JAK2: variants seen among roughly 807,000 people sequenced by gnomAD.
JAK2 encodes Janus kinase 2.
Under a neutral mutation model 139.3 loss-of-function variants are expected in JAK2, and 86 were observed. The observed-to-expected ratio is 0.62, with a 90% CI of 0.52 to 0.74. The LOEUF is 0.74. JAK2 is among the 30% of genes least tolerant of loss of function. The pLI is 0.00. For synonymous variants in JAK2, 490 were observed against 437.7 expected, an observed-to-expected ratio of 1.12 and a Z score of -1.49; for missense variants, 1,421 against 1,360.3, an observed-to-expected ratio of 1.04 and a Z score of -0.70.
chr9:5,073,934 G>A (rs1819139728), intron 14 of JAK2, 149 bp downstream of exon 14: 4 of 597,200 alleles, frequency 6.7e-6, no homozygotes, highest in Non-Finnish European at 5.9e-6. Flanking sequence ...AACACTGTAG[G>A]ACTATTCAGT....
intron 4 of JAK2, among the ~76,000 whole-genome samples, chr9:5,040,099 G>T (rs1816372381): frequency 6.6e-6 from 1 of 152,132 alleles, no homozygotes; most frequent in South Asian, 2.1e-4. Context: ...TGATACTAAA[G>T]GATGAATATA....
chr9:5,045,917 G>T (rs1227342618), intron 5 of JAK2, among the ~76,000 whole-genome samples: 1 of 152,092 alleles, frequency 6.6e-6, no homozygotes, highest in East Asian at 1.9e-4. Context: ...AAATGGAATC[G>T]CTGGATCATA....
At chr9:5,045,142 G>A (rs770929012) in intron 5 of JAK2, among the ~76,000 whole-genome samples, 1 of 152,130 alleles carries the variant, frequency 6.6e-6, no homozygotes, top group Non-Finnish European at 1.5e-5. Context: ...TAAATAACTT[G>A]TTTTTATGTG....
At chr9:5,081,096 C>T (rs528811017) in intron 18 of JAK2, among the ~76,000 whole-genome samples, 33 of 151,796 alleles carry the variant, frequency 2.2e-4, no homozygotes, top group South Asian at 1.3e-3. Context: ...GGGGTTTCAC[C>T]GTGTTAGCCA....
rs575614813 is a variant in JAK2, at chr9:5,041,112, C to T, written c.351-3291C>T. On this transcript the variant is annotated intron_variant, in intron 4 of 24. Transcript: ENST00000381652. ...GCCTGGAGGACCTGTTCGACCTTCA[C>T]GCCCAAGACGGTGCTCCTGATCGCC... The T allele has an allele frequency of 2.6e-5, 21 of 820,142 alleles. No individual in the cohort carries two copies. The East Asian group carries it at 3.2e-4, about 12-fold the overall frequency. 50.8% of individuals were successfully genotyped at this position (820,142 alleles called of 1,614,324 possible).
intron 2 of JAK2, among the ~76,000 whole-genome samples, chr9:5,005,789 T>A (rs1044855300): frequency 6.6e-6 from 1 of 152,218 alleles, no homozygotes; most frequent in East Asian, 1.9e-4. Flanking sequence ...GGGCATTACA[T>A]TTTCTATGTG....
chr9:5,112,440 G>A, intron 22 of JAK2: 1 of 525,514 alleles, frequency 1.9e-6, no homozygotes, highest in Admixed American at 2.9e-5. Context: ...CCACTCAAGA[G>A]GAGAAGAAGG....
chr9:5,031,258 G>C lies in JAK2; in HGVS notation c.350+1352G>C, dbSNP rs116132771. On this transcript the variant is annotated intron_variant, in intron 4 of 24. Transcript: ENST00000381652. ...TAAATAAGATAGCCATGAGAAAGAA[G>C]ACTTACCTGGCAATTGTAAAATATT... Among the ~76,000 whole-genome samples, 901 of 152,200 alleles carry C rather than the reference G, an allele frequency of 5.9e-3. 13 individuals carry two copies. The highest frequency in any genetic ancestry group is 0.021 in the African/African-American group (863 of 41,534).
intron 5 of JAK2, 80 bp downstream of exon 5, chr9:5,044,600 A>C (rs1816864520): frequency 1.1e-6 from 1 of 875,550 alleles, no homozygotes; most frequent in African/African-American, 1.7e-5. Flanking sequence ...ATCAGGAAAA[A>C]CTTTACATAT....
intron 4 of JAK2, among the ~76,000 whole-genome samples, chr9:5,037,044 C>A (rs560953145): frequency 6.6e-6 from 1 of 152,134 alleles, no homozygotes; most frequent in Non-Finnish European, 1.5e-5. Context: ...AAAAAGTGGG[C>A]GAAGGATACG....
At position 5,054,533 on chromosome 9, in the gene JAK2, G is replaced by T; in HGVS notation, c.615-30G>T. The T allele has an allele frequency of 6.6e-7, 1 of 1,512,670 alleles. No homozygotes were observed. Among genetic ancestry groups the T allele is most frequent in the Non-Finnish European group, 8.9e-7 (1 of 1,124,248 alleles). 93.7% of individuals were successfully genotyped at this position (1,512,670 alleles called of 1,614,324 possible). Reference sequence around the variant, plus strand: ...TATCTTCCAATTTTTGTTTTGTTTTGTTTTTCTGTATGTGCTTTTTTATCC... The same window carrying T: ...TATCTTCCAATTTTTGTTTTGTTTTTTTTTTCTGTATGTGCTTTTTTATCC... On this transcript the variant is annotated intron_variant, in intron 6 of 24. Coordinates refer to ENST00000381652, the MANE Select transcript of JAK2 (RefSeq NM_004972.4). The surrounding 1 kb of genome is among the most constrained non-coding windows in gnomAD (Gnocchi z 4.9).
Position 5,040,442 on chromosome 9 carries a change from ATAGT to A in JAK2, c.351-3958_351-3955del, listed in dbSNP as rs541992933. On this transcript the variant is annotated intron_variant, in intron 4 of 24. Coordinates refer to ENST00000381652, the MANE Select transcript of JAK2 (RefSeq NM_004972.4). ...CAAAAGCTCAAGTGACAAAAGAAAAATAGTTAAGTTAGGCTTTATCAAAGTTAAA... is the reference window on the plus strand; with the variant it reads ...CAAAAGCTCAAGTGACAAAAGAAAAATAAGTTAGGCTTTATCAAAGTTAAA... 4.5e-3 allele frequency among the ~76,000 whole-genome samples: 693 copies of A among 152,360 alleles called. 5 individuals are homozygous for A. The highest frequency in any genetic ancestry group is 0.016 in the African/African-American group (653 of 41,578).
chr9:5,004,041 G>T (rs1483091833), intron 2 of JAK2, among the ~76,000 whole-genome samples: 1 of 151,886 alleles, frequency 6.6e-6, no homozygotes, highest in African/African-American at 2.4e-5. Flanking sequence ...TTGTATATAT[G>T]GTGTACAACA....
At chr9:5,122,530 C>A (rs780832561) in intron 22 of JAK2, among the ~76,000 whole-genome samples, 1 of 152,014 alleles carries the variant, frequency 6.6e-6, no homozygotes, top group Admixed American at 6.6e-5. Flanking sequence ...TCTACAGAGA[C>A]AAAAATAAAT....
chr9:5,062,742 A>G (rs1343905777), intron 8 of JAK2, among the ~76,000 whole-genome samples: 2 of 152,036 alleles, frequency 1.3e-5, no homozygotes. Context: ...GATGTTATCA[A>G]TCTTTTAATT....
intron 22 of JAK2, among the ~76,000 whole-genome samples, chr9:5,120,821 G>C (rs556659369): frequency 1.6e-4 from 24 of 152,226 alleles, no homozygotes; most frequent in African/African-American, 4.8e-4. Flanking sequence ...AAATAATTAA[G>C]ATTTTCAAAT....
chr9:5,101,509 A>C (rs1821483863), intron 22 of JAK2, among the ~76,000 whole-genome samples: 1 of 152,256 alleles, frequency 6.6e-6, no homozygotes, highest in Non-Finnish European at 1.5e-5. Context: ...CCTGTCTGAC[A>C]GCTCTGAAGA....
intron 14 of JAK2, 118 bp downstream of exon 14, chr9:5,073,903 T>G (rs1465552713): frequency 3.0e-6 from 2 of 659,178 alleles, no homozygotes; most frequent in Non-Finnish European, 5.3e-6. Context: ...TTAACAGGAG[T>G]TAAGTATTTT....
intron 5 of JAK2, among the ~76,000 whole-genome samples, chr9:5,048,484 AATCT>A (rs1024823030): frequency 2.0e-5 from 3 of 152,132 alleles, no homozygotes; most frequent in Admixed American, 2.0e-4. Flanking sequence ...TATTAAAAAG[AATCT>A]ACCAAGTCAT....
Sources: allele counts gnomAD v4.1 joint callset (sites outside exome capture counted in the v4.1 genomes callset), GRCh38; gene constraint gnomAD v4.1.1; non-coding constraint Gnocchi (gnomAD v3.1); transcripts MANE v1.5; gene names NCBI Gene and HGNC (gene_info 2026-07-23, HGNC 2026-07-21).